The following KCNH7 variants were observed in gnomAD, a reference collection of about 807,000 sequenced individuals.
KCNH7 encodes voltage-gated inwardly rectifying potassium channel KCNH7.
A neutral mutation model predicts 120.8 loss-of-function variants in KCNH7; 49 were observed. The ratio of observed to expected loss-of-function variants is 0.41; its 90% confidence interval spans 0.32 to 0.51. The LOEUF (loss-of-function observed/expected upper bound fraction) is 0.51, where lower values mean the gene tolerates loss of function less well. Ranked by LOEUF, KCNH7 falls within the 20% of genes least tolerant of loss-of-function variation. The pLI is 0.38. For synonymous variants in KCNH7, 547 were observed against 516.1 expected (o/e 1.06, Z -0.81); for missense variants, 1,097 against 1,446.6 (o/e 0.76, Z 3.92).
At chr2:162,786,172 G>A (rs1169739824) in intron 2 of KCNH7, among the ~76,000 whole-genome samples, 1 of 147,294 alleles carries the variant, frequency 6.8e-6, no homozygotes, top group Non-Finnish European at 1.5e-5. Context: ...GAACCAGGGA[G>A]GTGGAAGCTG....
chr2:162,391,613 A>G (rs1442292628), intron 12 of KCNH7, among the ~76,000 whole-genome samples: 1 of 152,102 alleles, frequency 6.6e-6, no homozygotes, highest in Non-Finnish European at 1.5e-5. Flanking sequence ...GATTAAAGGC[A>G]TAGTATTCAA....
intron 2 of KCNH7, among the ~76,000 whole-genome samples, chr2:162,623,730 A>G (rs972805802): frequency 6.6e-6 from 1 of 152,184 alleles, no homozygotes; most frequent in African/African-American, 2.4e-5. Flanking sequence ...CCTGTGATGA[A>G]TATGAAATGA....
Position 162,504,438 on chromosome 2 carries a change from C to G in KCNH7, c.1128+5G>C. On this transcript the variant is annotated splice_donor_5th_base_variant and intron_variant, in intron 6 of 15. Transcript: ENST00000332142. Reference sequence around the variant, plus strand: ...GTTGAAATTGATAAGAAAATTGTGTCCTACCTGGGTCACTTTCTCAGTCAC... The same window carrying G: ...GTTGAAATTGATAAGAAAATTGTGTGCTACCTGGGTCACTTTCTCAGTCAC... 1 of 1,602,818 alleles carries G rather than the reference C, an allele frequency of 6.2e-7. No homozygotes were observed. The highest frequency in any genetic ancestry group is 8.5e-7 in the Non-Finnish European group (1 of 1,170,274).
intron 3 of KCNH7, among the ~76,000 whole-genome samples, chr2:162,530,675 A>T (rs901066115): frequency 6.6e-6 from 1 of 152,110 alleles, no homozygotes; most frequent in Middle Eastern, 3.4e-3. Flanking sequence ...CACAATTTTG[A>T]AGGTTAAGAT....
chr2:162,527,992 T>A (rs1164483584), intron 3 of KCNH7: 2 of 151,974 alleles, frequency 1.3e-5, no homozygotes, highest in Admixed American at 1.3e-4. Context: ...TGTTTCCGAA[T>A]CAGTTGTTCT....
intron 2 of KCNH7, among the ~76,000 whole-genome samples, chr2:162,555,400 CT>C (rs933353779): frequency 6.6e-6 from 1 of 152,200 alleles, no homozygotes; most frequent in African/African-American, 2.4e-5. Flanking sequence ...AAACAAGTTT[CT>C]GCTCTCTTTG....
intron 2 of KCNH7, among the ~76,000 whole-genome samples, chr2:162,624,968 G>A (rs1201708948): frequency 6.9e-6 from 1 of 144,748 alleles, no homozygotes; most frequent in Non-Finnish European, 1.5e-5. Context: ...TATGATCTAG[G>A]CTCACCTCCA....
chr2:162,449,994 T>A (rs1228262696), intron 6 of KCNH7, among the ~76,000 whole-genome samples: 1 of 152,110 alleles, frequency 6.6e-6, no homozygotes, highest in Non-Finnish European at 1.5e-5. Flanking sequence ...TATGGCTTAA[T>A]CTAATAGATA....
At chr2:162,610,830 T>C (rs943717112) in intron 2 of KCNH7, among the ~76,000 whole-genome samples, 1 of 152,222 alleles carries the variant, frequency 6.6e-6, no homozygotes. Context: ...AAATTAGGAT[T>C]TGTCATAGAA....
intron 7 of KCNH7, among the ~76,000 whole-genome samples, chr2:162,436,876 G>A (rs1688257150): frequency 6.6e-6 from 1 of 152,148 alleles, no homozygotes; most frequent in Non-Finnish European, 1.5e-5. Context: ...TTGGCAGGCT[G>A]AAGCAGTAGG....
At chr2:162,438,947 T>A (rs1421875233) in intron 7 of KCNH7, among the ~76,000 whole-genome samples, 1 of 152,154 alleles carries the variant, frequency 6.6e-6, no homozygotes, top group Non-Finnish European at 1.5e-5. Context: ...TCCTGCCAAT[T>A]TGTTATGAAC....
At chr2:162,609,762 C>T (rs1682898216) in intron 2 of KCNH7, among the ~76,000 whole-genome samples, 1 of 152,062 alleles carries the variant, frequency 6.6e-6, no homozygotes, top group Non-Finnish European at 1.5e-5. Flanking sequence ...CCAAAAGAGA[C>T]TGAGACACGA....
At chr2:162,673,010 A>G (rs1025764172) in intron 2 of KCNH7, among the ~76,000 whole-genome samples, 2 of 152,032 alleles carry the variant, frequency 1.3e-5, no homozygotes, top group African/African-American at 4.8e-5. Flanking sequence ...TTAAGAATAA[A>G]TGGAGGAAAA....
At chr2:162,702,988 G>C (rs1314863960) in intron 2 of KCNH7, among the ~76,000 whole-genome samples, 1 of 152,082 alleles carries the variant, frequency 6.6e-6, no homozygotes, top group Non-Finnish European at 1.5e-5. Flanking sequence ...CACAATAAAT[G>C]CTTGTGTAAA....
At chr2:162,659,185 T>G (rs1684870913) in intron 2 of KCNH7, among the ~76,000 whole-genome samples, 1 of 152,194 alleles carries the variant, frequency 6.6e-6, no homozygotes, top group Admixed American at 6.5e-5. Flanking sequence ...AAGTGATAGA[T>G]TTTTACAAAT....
intron 14 of KCNH7, 74 bp downstream of exon 14, chr2:162,379,779 C>A: frequency 2.1e-6 from 3 of 1,414,082 alleles, no homozygotes; most frequent in Non-Finnish European, 1.9e-6. Flanking sequence ...GAGAATTTTC[C>A]ATTTGTAAGG....
intron 2 of KCNH7, among the ~76,000 whole-genome samples, chr2:162,714,683 C>T (rs1175100896): frequency 1.3e-5 from 2 of 152,200 alleles, no homozygotes; most frequent in African/African-American, 2.4e-5. Context: ...CTTGCAACTA[C>T]TCAGTTCTGC....
At position 162,778,557 on chromosome 2, in the gene KCNH7, C is replaced by T. The variant is rs185421967; in HGVS notation, c.307+57980G>A. Reference sequence around the variant, plus strand: ...ATTTTTCCTGATCTTATTATCAGTGCCTGCACAGAACCTGGCACACGGTAG... The same window carrying T: ...ATTTTTCCTGATCTTATTATCAGTGTCTGCACAGAACCTGGCACACGGTAG... On this transcript the variant is annotated intron_variant, in intron 2 of 15. Coordinates refer to ENST00000332142, the MANE Select transcript of KCNH7 (RefSeq NM_033272.4). Among the ~76,000 whole-genome samples the T allele has an allele frequency of 4.1e-4, 62 of 152,254 alleles. 1 individual carries two copies. The highest frequency in any genetic ancestry group is 7.6e-4 in the Non-Finnish European group (52 of 68,014).
chr2:162,780,788 A>T (rs981738550), intron 2 of KCNH7, among the ~76,000 whole-genome samples: 5 of 152,160 alleles, frequency 3.3e-5, no homozygotes, highest in Non-Finnish European at 7.4e-5. Flanking sequence ...TTCTTGCAGT[A>T]GACATTATTT....
Sources: allele counts gnomAD v4.1 joint callset (sites outside exome capture counted in the v4.1 genomes callset), GRCh38; gene constraint gnomAD v4.1.1; transcripts MANE v1.5; gene names NCBI Gene and HGNC (gene_info 2026-07-23, HGNC 2026-07-21).